The following EPB41L5 variants were observed in gnomAD, a reference collection of about 807,000 sequenced individuals.
The protein encoded by EPB41L5 is erythrocyte membrane protein band 4.1 like 5.
A neutral mutation model predicts 106.6 loss-of-function variants in EPB41L5; 55 were observed. That is an observed-to-expected ratio of 0.52 (90% CI 0.42 to 0.65). EPB41L5 has a LOEUF of 0.65. Among genes scored for constraint, EPB41L5 ranks in the 30% least tolerant of loss-of-function variants. The pLI, the probability that EPB41L5 is intolerant of heterozygous loss-of-function variation, is 0.00. For missense variants in EPB41L5, 871 were observed against 882.1 expected, an observed-to-expected ratio of 0.99 and a Z score of 0.16; for synonymous variants, 297 against 306.7, an observed-to-expected ratio of 0.97 and a Z score of 0.33.
intron 20 of EPB41L5, among the ~76,000 whole-genome samples, chr2:120,157,862 AATG>A (rs1446867467): frequency 1.3e-5 from 2 of 152,084 alleles, no homozygotes; most frequent in Non-Finnish European, 2.9e-5. Context: ...TAGGTAGACT[AATG>A]AAGAAAAGAG....
At chr2:120,049,081 A>G (rs1021568808) in intron 3 of EPB41L5, among the ~76,000 whole-genome samples, 9 of 152,114 alleles carry the variant, frequency 5.9e-5, no homozygotes, top group Non-Finnish European at 1.0e-4. Flanking sequence ...TTTACTTCCA[A>G]CTATGTGGTC....
Position 120,177,851 on chromosome 2 carries a change from G to A in EPB41L5, c.*2944G>A, listed in dbSNP as rs1441352667. 1 of 151,904 alleles carries A rather than the reference G, an allele frequency of 6.6e-6. No homozygotes were observed. Among genetic ancestry groups the A allele is most frequent in the Non-Finnish European group, 1.5e-5 (1 of 67,866 alleles). 9.4% of individuals were successfully genotyped at this position (151,904 alleles called of 1,614,324 possible). Reference sequence around the variant, plus strand: ...GGATGAAAGCCCTGAGTTGTTCTTGGGTTCTTGGATCTGGACTACTTGTTA... The same window carrying A: ...GGATGAAAGCCCTGAGTTGTTCTTGAGTTCTTGGATCTGGACTACTTGTTA... On this transcript the variant is annotated 3_prime_UTR_variant, in exon 25 of 25. Coordinates refer to ENST00000263713, the MANE Select transcript of EPB41L5 (RefSeq NM_020909.4).
chr2:120,061,442 C>G (rs1430829171), intron 3 of EPB41L5, among the ~76,000 whole-genome samples: 2 of 151,748 alleles, frequency 1.3e-5, no homozygotes, highest in Non-Finnish European at 2.9e-5. Flanking sequence ...CCGGGATGGT[C>G]TCGATCTCCT....
intron 2 of EPB41L5, among the ~76,000 whole-genome samples, chr2:120,023,992 G>A (rs1247839135): frequency 1.3e-5 from 2 of 152,142 alleles, no homozygotes; most frequent in African/African-American, 2.4e-5. Flanking sequence ...TATTATTTGT[G>A]TATAGGAAAG....
At chr2:120,167,650 A>AGCTAGTGGCTTACCCTTTCTGGTTGT in intron 23 of EPB41L5, 143 bp downstream of exon 23, 1 of 1,025,632 alleles carries the variant, frequency 9.8e-7, no homozygotes, top group Non-Finnish European at 1.5e-6. Flanking sequence ...AATGGCTTCA[A>AGCTAGTGGCTTACCCTTTCTGGTTGT]GCTAGTGGCT....
chr2:120,016,082 T>C (rs4849813), intron 1 of EPB41L5, among the ~76,000 whole-genome samples: 96,165 of 151,860 alleles, frequency 0.63, 31,864 homozygotes, highest in Middle Eastern at 0.74. Context: ...ATTTTTTTTC[T>C]TTAGGTTATC....
intron 20 of EPB41L5, among the ~76,000 whole-genome samples, chr2:120,151,869 G>A (rs572572215): frequency 2.6e-5 from 4 of 152,148 alleles, no homozygotes; most frequent in African/African-American, 9.6e-5. Context: ...GGCCCGCCTC[G>A]GCCTCCCAAA....
chr2:120,145,925 G>T (rs1359577562), intron 19 of EPB41L5, among the ~76,000 whole-genome samples: 1 of 143,362 alleles, frequency 7.0e-6, no homozygotes, highest in Non-Finnish European at 1.5e-5. Flanking sequence ...CAGCCTGGGG[G>T]ACAGAGTGAG....
chr2:120,074,039 G>T (rs1682059901), intron 4 of EPB41L5, 61 bp from the exon 5 acceptor site: 4 of 1,309,344 alleles, frequency 3.1e-6, no homozygotes, highest in African/African-American at 3.0e-5. Flanking sequence ...CAGTTTTCTG[G>T]CTGAAAAGTA....
At chr2:120,036,381 A>G (rs1476627288) in intron 2 of EPB41L5, among the ~76,000 whole-genome samples, 4 of 152,180 alleles carry the variant, frequency 2.6e-5, no homozygotes, top group African/African-American at 4.8e-5. Flanking sequence ...GAATTCTTCT[A>G]TTCCCCCAGG....
At chr2:120,131,747 C>T (rs908241793) in intron 18 of EPB41L5, 32 bp downstream of exon 18, 3 of 1,448,924 alleles carry the variant, frequency 2.1e-6, no homozygotes, top group Middle Eastern at 3.5e-4. Flanking sequence ...ATACCTGTTA[C>T]ACATCTCCAG....
chr2:120,044,303 A>T (rs1292541329), intron 3 of EPB41L5, among the ~76,000 whole-genome samples: 4 of 152,184 alleles, frequency 2.6e-5, no homozygotes, highest in African/African-American at 9.7e-5. Context: ...ATTAGACTAA[A>T]TTCACTAATG....
At chr2:120,078,605 ATACT>A (rs768937794) in intron 10 of EPB41L5, 24 bp downstream of exon 10, 18 of 1,505,966 alleles carry the variant, frequency 1.2e-5, no homozygotes, top group Admixed American at 3.6e-5. Flanking sequence ...ATTGTCAAAG[ATACT>A]TACTGTTGTT....
At position 120,037,263 on chromosome 2, in the gene EPB41L5, T is replaced by C. The variant is rs574179810; in HGVS notation, c.181-4743T>C. On this transcript the variant is annotated intron_variant, in intron 2 of 24. Transcript: ENST00000263713. ...CACTGCTGAGAGGAATGAAAGAACA[T>C]GTAAATAAGAAGGAAGATATCCCAC... 2.0e-5 allele frequency among the ~76,000 whole-genome samples: 3 copies of C among 152,132 alleles called. No homozygotes were observed. The South Asian group carries it at 6.2e-4, about 32-fold the overall frequency.
intron 14 of EPB41L5, among the ~76,000 whole-genome samples, chr2:120,098,989 T>C (rs985812576): frequency 6.6e-6 from 1 of 152,242 alleles, no homozygotes; most frequent in Non-Finnish European, 1.5e-5. Context: ...AACCTGATAA[T>C]TGGTAGTGAT....
At chr2:120,060,085 A>G (rs1376561885) in intron 3 of EPB41L5, among the ~76,000 whole-genome samples, 1 of 152,236 alleles carries the variant, frequency 6.6e-6, no homozygotes, top group Non-Finnish European at 1.5e-5. Context: ...CTATCAAAAC[A>G]GCTAAAGTAC....
At chr2:120,050,034 CTG>C (rs1204527862) in intron 3 of EPB41L5, among the ~76,000 whole-genome samples, 1 of 152,226 alleles carries the variant, frequency 6.6e-6, no homozygotes, top group African/African-American at 2.4e-5. Context: ...AAGAGATCCA[CTG>C]TTAGTCTGAT....
At chr2:120,103,406 T>C (rs1363306778) in intron 16 of EPB41L5, among the ~76,000 whole-genome samples, 2 of 152,186 alleles carry the variant, frequency 1.3e-5, no homozygotes, top group East Asian at 3.8e-4. Context: ...AGAGGGTGTA[T>C]CATCTCATCA....
intron 16 of EPB41L5, among the ~76,000 whole-genome samples, chr2:120,112,086 T>A (rs1001079416): frequency 1.3e-5 from 2 of 152,062 alleles, no homozygotes; most frequent in African/African-American, 4.8e-5. Context: ...CCCTGCCCAG[T>A]CTTCTTTTTA....
Sources: allele counts gnomAD v4.1 joint callset (sites outside exome capture counted in the v4.1 genomes callset), GRCh38; gene constraint gnomAD v4.1.1; transcripts MANE v1.5; gene names NCBI Gene and HGNC (gene_info 2026-07-23, HGNC 2026-07-21).